The following PCMTD2 variants were observed in gnomAD, a reference collection of about 807,000 sequenced individuals.
PCMTD2 encodes protein-L-isoaspartate O-methyltransferase domain-containing protein 2.
PCMTD2 carries 16 observed loss-of-function variants against 33.4 expected under a neutral mutation model. That is an observed-to-expected ratio of 0.48 (90% CI 0.32 to 0.73). PCMTD2 has a LOEUF of 0.73. Ranked by LOEUF, PCMTD2 falls within the 30% of genes least tolerant of loss-of-function variation. The pLI, the probability that PCMTD2 is intolerant of heterozygous loss-of-function variation, is 0.03. For synonymous variants in PCMTD2, 161 were observed against 160.8 expected (o/e 1.00, Z -0.01); for missense variants, 374 against 449.9 (o/e 0.83, Z 1.53).
At chr20:64,265,501 C>T in intron 4 of PCMTD2, 72 bp downstream of exon 4, 5 of 1,168,126 alleles carry the variant, frequency 4.3e-6, no homozygotes, top group Non-Finnish European at 6.0e-6. Context: ...TGTACGGATA[C>T]TTACTCTTTT....
chr20:64,256,506 T>A (rs1185485962), intron 1 of PCMTD2: 1 of 152,208 alleles, frequency 6.6e-6, no homozygotes, highest in Non-Finnish European at 1.5e-5. Context: ...ATCCACCCCC[T>A]CTTTACTCGT....
chr20:64,269,783 G>A (rs1485772493), intron 5 of PCMTD2, among the ~76,000 whole-genome samples: 1 of 151,672 alleles, frequency 6.6e-6, no homozygotes, highest in African/African-American at 2.4e-5. Flanking sequence ...GGGGTAATGT[G>A]TGTGTGGGTG....
rs1188020782 is a variant in PCMTD2 at position 64,260,065 on chromosome 20, A to G, written c.100A>G (p.Arg34Gly). The G allele has an allele frequency of 6.2e-7, 1 of 1,611,236 alleles. No individual in the cohort carries two copies. Among genetic ancestry groups the G allele is most frequent in the East Asian group, 2.2e-5 (1 of 44,878 alleles). Residue 34 changes from arginine to glycine, a missense_variant, in exon 2 of 6, where the codon AGA (arginine) becomes GGA (glycine). Arg to Gly is a moderately radical substitution (Grantham distance 125). Transcript: ENST00000308824. ...GACTGAGCTGGTAGAGCAGGCTTTC[A>G]GAGCTATCGATCGTGCAGACTATTA... ...IRTELVEQAF[R>G]AIDRADYYLE...
intron 1 of PCMTD2, 42 bp from the exon 2 acceptor site, chr20:64,259,900 C>G: frequency 2.1e-6 from 2 of 972,230 alleles, no homozygotes; most frequent in Non-Finnish European, 3.2e-6. Context: ...TCTGCTCTTA[C>G]CTTTAACATA....
In PCMTD2 at chr20:64,265,249, TAC is replaced by T. The variant is rs1345958656; in HGVS notation, c.411-8_411-7del. 1 of 1,586,446 alleles carries T rather than the reference TAC, an allele frequency of 6.3e-7. No individual in the cohort carries two copies. The highest frequency in any genetic ancestry group is 1.8e-5 in the Admixed American group (1 of 55,720). On this transcript the variant is annotated splice_region_variant and splice_polypyrimidine_tract_variant and intron_variant, in intron 3 of 5. Transcript: ENST00000308824. Reference sequence around the variant, plus strand: ...ACTTTTAGTTGCAGGAAGCATTTTTTACTTCCAGGTTTGACTTCTGTGAACCT... The same window carrying T: ...ACTTTTAGTTGCAGGAAGCATTTTTTTTCCAGGTTTGACTTCTGTGAACCT...
intron 2 of PCMTD2, among the ~76,000 whole-genome samples, chr20:64,264,057 C>T (rs1985549648): frequency 6.6e-6 from 1 of 152,164 alleles, no homozygotes; most frequent in Non-Finnish European, 1.5e-5. Context: ...TATTATAATG[C>T]TCACATCTGA....
intron 5 of PCMTD2, among the ~76,000 whole-genome samples, chr20:64,272,844 T>G (rs1462354230): frequency 3.3e-5 from 5 of 152,174 alleles, no homozygotes; most frequent in Admixed American, 6.5e-5. Flanking sequence ...TGGAGACATA[T>G]TCACTGTATT....
At chr20:64,261,523 T>C (rs1985415789) in intron 2 of PCMTD2, among the ~76,000 whole-genome samples, 1 of 152,126 alleles carries the variant, frequency 6.6e-6, no homozygotes. Context: ...TGAGCTATGA[T>C]TGCACCACTG....
intron 3 of PCMTD2, among the ~76,000 whole-genome samples, chr20:64,265,017 G>A (rs1241824206): frequency 6.6e-6 from 1 of 152,180 alleles, no homozygotes; most frequent in African/African-American, 2.4e-5. Flanking sequence ...GTGAAATTTG[G>A]ATAAAACTTT....
Position 64,273,715 on chromosome 20 carries a change from C to A in PCMTD2, c.*115C>A. 1 of 802,582 alleles carries A rather than the reference C, an allele frequency of 1.2e-6. No individual in the cohort carries two copies. Among genetic ancestry groups the A allele is most frequent in the Non-Finnish European group, 1.9e-6 (1 of 518,882 alleles). 49.7% of individuals were successfully genotyped at this position (802,582 alleles called of 1,614,324 possible). A position where few individuals can be genotyped will look rare whatever the true frequency, so the allele number is the denominator to read the frequency against. On this transcript the variant is annotated 3_prime_UTR_variant, in exon 6 of 6. Coordinates refer to ENST00000308824, the MANE Select transcript of PCMTD2 (RefSeq NM_018257.3). ...GCAGACGTTGTGGGGAAGGGAACTG[C>A]TGGGCTCATCCACACCATGGTTTTC... is the stretch of plus-strand genomic sequence containing the variant.
intron 5 of PCMTD2, among the ~76,000 whole-genome samples, chr20:64,270,327 G>T (rs562184018): frequency 2.0e-5 from 3 of 150,494 alleles, no homozygotes; most frequent in Non-Finnish European, 1.5e-5. Flanking sequence ...GTGCACAGTG[G>T]GTTGTGTGGA....
At chr20:64,257,884 G>A (rs2145751969) in intron 1 of PCMTD2, among the ~76,000 whole-genome samples, 1 of 152,338 alleles carries the variant, frequency 6.6e-6, no homozygotes, top group South Asian at 2.1e-4. Context: ...TAACCGGCCA[G>A]CTCCAATTTG....
rs1400582957 is a variant in PCMTD2 at position 64,272,043 on chromosome 20, AG to A, written c.707-1176del. The A allele has an allele frequency of 2.7e-5, 10 of 365,926 alleles. No homozygotes were observed. In the Admixed American group the frequency reaches 2.8e-4, roughly 10 times the overall value. 22.7% of individuals were successfully genotyped at this position (365,926 alleles called of 1,614,324 possible). A position where few individuals can be genotyped will look rare whatever the true frequency, so the allele number is the denominator to read the frequency against. On this transcript the variant is annotated intron_variant, in intron 5 of 5. Transcript: ENST00000308824. ...AGTGAAGAGAAAGGACTGAAGACAA[AG>A]GAAGTGCCGGAGCCTGTCCTGGAGA...
At chr20:64,259,771 TCC>T in intron 1 of PCMTD2, 169 bp from the exon 2 acceptor site, 1 of 553,104 alleles carries the variant, frequency 1.8e-6, no homozygotes, top group Non-Finnish European at 3.2e-6. Context: ...GGATTTTTTT[TCC>T]TTCTAAATCT....
In PCMTD2 at chr20:64,260,386, A is replaced by G. The variant is rs1985358628; in HGVS notation, c.307+114A>G. ...CCTGGGTCGAGACCGCAGCCTTCCC[A>G]GTAGTTATCTGACATTGACACATCA... On this transcript the variant is annotated intron_variant, in intron 2 of 5. Transcript: ENST00000308824. 5.7e-6 allele frequency: 4 copies of G among 704,070 alleles called. No individual in the cohort carries two copies. The East Asian group carries it at 1.0e-4, about 18-fold the overall frequency. 43.6% of individuals were successfully genotyped at this position (704,070 alleles called of 1,614,324 possible).
At chr20:64,266,422 TA>T (rs1489429587) in intron 4 of PCMTD2, among the ~76,000 whole-genome samples, 2 of 152,144 alleles carry the variant, frequency 1.3e-5, no homozygotes, top group Non-Finnish European at 2.9e-5. Context: ...CACACCCAGC[TA>T]ATTTTTGTAT....
At chr20:64,268,238 C>T (rs148050439) in intron 5 of PCMTD2, among the ~76,000 whole-genome samples, 2 of 132,290 alleles carry the variant, frequency 1.5e-5, no homozygotes, top group Non-Finnish European at 3.4e-5. Flanking sequence ...GAGCTGTTGC[C>T]GGTCACACCA....
chr20:64,265,471 C>CAG, intron 4 of PCMTD2, 42 bp downstream of exon 4: 2 of 1,496,942 alleles, frequency 1.3e-6, no homozygotes, highest in Non-Finnish European at 9.2e-7. Context: ...ACACTGTGTG[C>CAG]CAAGGTCTGT....
intron 1 of PCMTD2, among the ~76,000 whole-genome samples, chr20:64,257,666 A>G (rs1985224547): frequency 6.7e-6 from 1 of 149,442 alleles, no homozygotes; most frequent in East Asian, 1.9e-4. Flanking sequence ...AGCTATTCAC[A>G]TGGATCCTAC....
Sources: allele counts gnomAD v4.1 joint callset (sites outside exome capture counted in the v4.1 genomes callset), GRCh38; gene constraint gnomAD v4.1.1; transcripts MANE v1.5; gene names NCBI Gene and HGNC (gene_info 2026-07-23, HGNC 2026-07-21).